The following ATAD2B variants were observed in gnomAD, a reference collection of about 807,000 sequenced individuals.
The protein encoded by ATAD2B is ATPase family AAA domain-containing protein 2B.
Under a neutral mutation model 167.6 loss-of-function variants are expected in ATAD2B, and 40 were observed. The ratio of observed to expected loss-of-function variants is 0.24; its 90% CI spans 0.19 to 0.31. The LOEUF is 0.31. Ranked by LOEUF, ATAD2B falls within the 10% of genes least tolerant of loss-of-function variation. The pLI, the probability that ATAD2B is intolerant of heterozygous loss-of-function variation, is 1.00. For synonymous variants in ATAD2B, 579 were observed against 596.5 expected, an observed-to-expected ratio of 0.97 and a Z score of 0.43; for missense variants, 1,242 against 1,757.2, an observed-to-expected ratio of 0.71 and a Z score of 5.24.
At chr2:23,717,523 G>A in the ATAD2B span, among the ~76,000 whole-genome samples, 1 of 152,104 alleles carries the variant, frequency 6.6e-6, no homozygotes, top group Non-Finnish European at 1.5e-5. Context: ...GGAGCAAAGT[G>A]AGATTTCAGA....
chr2:23,878,025 A>AAAAAAAAAAAGAAAAAG (rs1697242270), intron 7 of ATAD2B, among the ~76,000 whole-genome samples: 1 of 106,878 alleles, frequency 9.4e-6, no homozygotes, highest in East Asian at 3.8e-4. Flanking sequence ...AAAAAAAAAA[A>AAAAAAAAAAAGAAAAAG]AAAAAAAAAA....
intron 19 of ATAD2B, among the ~76,000 whole-genome samples, chr2:23,792,962 C>CAAAAAAAAAAAA (rs36015161): frequency 2.4e-4 from 10 of 42,546 alleles, no homozygotes; most frequent in African/African-American, 9.2e-4. Context: ...GACTCTGTCT[C>CAAAAAAAAAAAA]AAAAAAAAAA....
intron 11 of ATAD2B, among the ~76,000 whole-genome samples, chr2:23,864,432 T>C (rs1271346150): frequency 2.6e-5 from 4 of 152,152 alleles, no homozygotes; most frequent in Non-Finnish European, 1.5e-5. Flanking sequence ...TCACTCTATT[T>C]CAAAAATACT....
At chr2:23,700,089 A>C in the ATAD2B span, among the ~76,000 whole-genome samples, 1 of 152,172 alleles carries the variant, frequency 6.6e-6, no homozygotes, top group African/African-American at 2.4e-5. This position sits in a 1 kb window ranked among gnomAD's most constrained non-coding sequence, Gnocchi z 4.6. Flanking sequence ...TTCCATTTGC[A>C]TCCACCTCCT....
intron 1 of ATAD2B, among the ~76,000 whole-genome samples, chr2:23,911,569 A>AGAAGAAGAGGAG (rs1360052676): frequency 2.6e-5 from 4 of 151,122 alleles, no homozygotes. Context: ...AGAAACGAGA[A>AGAAGAAGAGGAG]GAAGAAGAGG....
the ATAD2B span, chr2:23,696,563 C>T: frequency 7.1e-7 from 1 of 1,406,002 alleles, no homozygotes; most frequent in Non-Finnish European, 9.5e-7. This position sits in a 1 kb window ranked among gnomAD's most constrained non-coding sequence, Gnocchi z 5.5. Flanking sequence ...TCACCAAGAA[C>T]TGAAATCACG....
chr2:23,892,280 C>T (rs1699622889), intron 2 of ATAD2B, among the ~76,000 whole-genome samples: 2 of 152,210 alleles, frequency 1.3e-5, no homozygotes, highest in South Asian at 2.1e-4. Context: ...TCTCCTGCCT[C>T]AGCCTCCTGA....
intron 1 of ATAD2B, among the ~76,000 whole-genome samples, chr2:23,903,827 A>G (rs1701124958): frequency 1.3e-5 from 2 of 152,224 alleles, no homozygotes; most frequent in Admixed American, 6.5e-5. Flanking sequence ...TAGAATTGGG[A>G]AAATCAGAAA....
intron 1 of ATAD2B, among the ~76,000 whole-genome samples, chr2:23,914,276 T>C (rs1035334979): frequency 6.6e-6 from 1 of 151,058 alleles, no homozygotes; most frequent in African/African-American, 2.5e-5. Flanking sequence ...ACTATATGTG[T>C]GTACAAAGTC....
intron 19 of ATAD2B, among the ~76,000 whole-genome samples, chr2:23,794,471 T>C (rs1278101953): frequency 2.0e-5 from 3 of 152,236 alleles, no homozygotes; most frequent in Non-Finnish European, 4.4e-5. Flanking sequence ...GAAATGAAAC[T>C]TGATAATCCC....
At chr2:23,855,087 G>A (rs757321906) in intron 13 of ATAD2B, among the ~76,000 whole-genome samples, 5 of 151,864 alleles carry the variant, frequency 3.3e-5, no homozygotes, top group East Asian at 1.9e-4. Flanking sequence ...CCAGCTACTC[G>A]AGAGGCTGAG....
At chr2:23,837,475 C>T (rs1690186221) in intron 13 of ATAD2B, among the ~76,000 whole-genome samples, 1 of 152,226 alleles carries the variant, frequency 6.6e-6, no homozygotes, top group South Asian at 2.1e-4. Context: ...TCCACAGCCA[C>T]AACTTGGGCG....
At chr2:23,857,268 C>G in intron 13 of ATAD2B, 147 bp downstream of exon 13, 1 of 488,348 alleles carries the variant, frequency 2.0e-6, no homozygotes, top group South Asian at 3.2e-5. Context: ...GTGCTGACCC[C>G]TGTACTAAGA....
At chr2:23,887,537 G>A (rs1228176852) in intron 4 of ATAD2B, among the ~76,000 whole-genome samples, 2 of 152,024 alleles carry the variant, frequency 1.3e-5, no homozygotes, top group African/African-American at 4.8e-5. Context: ...CCCTCTCCAG[G>A]CTATTGTAAA....
At chr2:23,678,411 C>G in the ATAD2B span, among the ~76,000 whole-genome samples, 1 of 152,196 alleles carries the variant, frequency 6.6e-6, no homozygotes, top group African/African-American at 2.4e-5. Flanking sequence ...CACTTTCACT[C>G]ACTCTCCGGG....
intron 12 of ATAD2B, 48 bp downstream of exon 12, chr2:23,863,333 G>C (rs1360588653): frequency 6.6e-7 from 1 of 1,513,618 alleles, no homozygotes; most frequent in East Asian, 2.5e-5. Context: ...AGAAAGAAAA[G>C]AACAGAACAG....
chr2:23,720,765 C>T, the ATAD2B span, among the ~76,000 whole-genome samples: 8 of 152,094 alleles, frequency 5.3e-5, no homozygotes, highest in Non-Finnish European at 1.0e-4. Context: ...AAAAGAGAAT[C>T]CCACAGTCTC....
intron 24 of ATAD2B, among the ~76,000 whole-genome samples, chr2:23,759,165 A>C (rs1676323409): frequency 3.3e-5 from 5 of 152,192 alleles, no homozygotes; most frequent in Admixed American, 2.0e-4. Context: ...CTAACCCCAA[A>C]TTCTAAATAC....
downstream of ATAD2B, among the ~76,000 whole-genome samples, chr2:23,743,730 G>A (rs965672723): frequency 2.6e-5 from 4 of 152,108 alleles, no homozygotes; most frequent in South Asian, 2.1e-4. Context: ...AAGCTCAAGT[G>A]GTCCTCCCAT....
Sources: allele counts gnomAD v4.1 joint callset (sites outside exome capture counted in the v4.1 genomes callset), GRCh38; gene constraint gnomAD v4.1.1; non-coding constraint Gnocchi (gnomAD v3.1); transcripts MANE v1.5; gene names NCBI Gene and HGNC (gene_info 2026-07-23, HGNC 2026-07-21).